Variants in PHC1 observed in about 807,000 individuals in gnomAD.
PHC1 encodes the protein polyhomeotic homolog 1.
PHC1 carries 12 observed loss-of-function variants against 104.3 expected under a neutral mutation model. The observed-to-expected ratio is 0.12, with a 90% CI of 0.07 to 0.19. The LOEUF is 0.19. Among genes scored for constraint, PHC1 ranks in the 10% least tolerant of loss-of-function variants. The pLI is 1.00. For missense variants in PHC1, 671 were observed against 1,200.0 expected, an observed-to-expected ratio of 0.56 and a Z score of 6.51; for synonymous variants, 302 against 455.8, an observed-to-expected ratio of 0.66 and a Z score of 4.30.
chr12:8,931,169 G>A (rs1945673332), intron 7 of PHC1, among the ~76,000 whole-genome samples: 1 of 152,128 alleles, frequency 6.6e-6, no homozygotes, highest in South Asian at 2.1e-4. Context: ...AAGTTCCCCT[G>A]TCCGCTTTCT....
Position 8,938,079 on chromosome 12 carries a change from A to G in PHC1, c.2860+19A>G, listed in dbSNP as rs369685612. The G allele has an allele frequency of 1.9e-6, 3 of 1,565,684 alleles. No homozygotes were observed. The highest frequency in any genetic ancestry group is 2.7e-5 in the African/African-American group (2 of 74,070). The stretch of plus-strand genomic sequence containing the variant: ...CTCCAAGGTACTGACCCTCTCTTCA[A>G]CAGAACCCAGGTTGTTTTCCTTAAC... On this transcript the variant is annotated intron_variant, in intron 14 of 14. Transcript: ENST00000544916.
chr12:8,919,932 T>G lies in PHC1; in HGVS notation c.225+66T>G, dbSNP rs772736862. The G allele has an allele frequency of 6.4e-7, 1 of 1,561,388 alleles. No individual in the cohort carries two copies. Among genetic ancestry groups the G allele is most frequent in the South Asian group, 1.2e-5 (1 of 85,370 alleles). On this transcript the variant is annotated intron_variant, in intron 3 of 14. Coordinates refer to ENST00000544916, the MANE Select transcript of PHC1 (RefSeq NM_004426.3). This position sits in a 1 kb window ranked among gnomAD's most constrained non-coding sequence, Gnocchi z 4.9. ...AGGCACTACAGGTGGGTAGGGGAGATTTTTTGGGCATATAGCATCCTATAC... is the reference window on the plus strand; with the variant it reads ...AGGCACTACAGGTGGGTAGGGGAGAGTTTTTGGGCATATAGCATCCTATAC...
At position 8,919,766 on chromosome 12, in the gene PHC1, C is replaced by G. The variant is rs1372457891; in HGVS notation, c.125C>G (p.Ala42Gly). 6.2e-7 allele frequency: 1 copy of G among 1,612,310 alleles called. No homozygotes were observed. Residue 42 changes from alanine (A) to glycine (G), a missense_variant, in exon 3 of 15, where the codon GCA (alanine) becomes GGA (glycine). Around this residue, in one of 9 missense-constraint regions of PHC1, gnomAD observed 237 missense variants for 331.1 expected, o/e 0.72. Coordinates refer to ENST00000544916, the MANE Select transcript of PHC1 (RefSeq NM_004426.3). This position sits in a 1 kb window ranked among gnomAD's most constrained non-coding sequence, Gnocchi z 4.9. ...YERQAVQALQ[A>G]LQRQPNAAQY... ...CCTCTCTTTTCCTAGGCTCTGCAAG[C>G]ACTGCAGCGGCAGCCCAATGCAGCT...
intron 6 of PHC1, among the ~76,000 whole-genome samples, chr12:8,924,941 G>T (rs1348463560): frequency 6.6e-6 from 1 of 152,216 alleles, no homozygotes; most frequent in Non-Finnish European, 1.5e-5. Flanking sequence ...TGGTCATCTA[G>T]CTGTAAGGCA....
intron 6 of PHC1, among the ~76,000 whole-genome samples, chr12:8,929,430 C>G (rs1945619256): frequency 6.6e-6 from 1 of 152,092 alleles, no homozygotes; most frequent in Admixed American, 6.6e-5. Flanking sequence ...TCTTTCCATT[C>G]CTTGTAACTC....
At chr12:8,923,289 A>G (rs1483495326) in intron 6 of PHC1, among the ~76,000 whole-genome samples, 1 of 152,104 alleles carries the variant, frequency 6.6e-6, no homozygotes, top group East Asian at 1.9e-4. Context: ...CCTCACCATT[A>G]CTTCTCATGA....
At chr12:8,929,825 A>C (rs1945631125) in intron 6 of PHC1, among the ~76,000 whole-genome samples, 1 of 152,116 alleles carries the variant, frequency 6.6e-6, no homozygotes, top group African/African-American at 2.4e-5. Flanking sequence ...CAGCCTAAAT[A>C]ATAATCCTTT....
chr12:8,920,206 G>A (rs960747150), intron 3 of PHC1, among the ~76,000 whole-genome samples: 9 of 152,048 alleles, frequency 5.9e-5, no homozygotes, highest in Non-Finnish European at 8.8e-5. Context: ...TACAAAAAAA[G>A]GTAAAATATC....
At chr12:8,931,265 G>A (rs2137107426) in intron 7 of PHC1, among the ~76,000 whole-genome samples, 1 of 152,238 alleles carries the variant, frequency 6.6e-6, no homozygotes, top group South Asian at 2.1e-4. Flanking sequence ...AGGAATTACT[G>A]GGGATACATT....
At chr12:8,938,085 C>A in intron 14 of PHC1, 25 bp downstream of exon 14, 1 of 1,548,878 alleles carries the variant, frequency 6.5e-7, no homozygotes, top group Non-Finnish European at 8.9e-7. Context: ...TTCAACAGAA[C>A]CCAGGTTGTT....
chr12:8,922,575 C>T, intron 5 of PHC1, 58 bp from the exon 6 acceptor site: 1 of 1,450,396 alleles, frequency 6.9e-7, no homozygotes, highest in Non-Finnish European at 9.4e-7. Context: ...CTTTCCATCT[C>T]TTCTGTCTCT....
chr12:8,920,103 C>G lies in PHC1; in HGVS notation c.225+237C>G, dbSNP rs143470799. ...GTTATAGACCTGCATTGTCTAATAA[C>G]GTAGTCACTAGCCACATATCGCTAT... On this transcript the variant is annotated intron_variant, in intron 3 of 14. Coordinates refer to ENST00000544916, the MANE Select transcript of PHC1 (RefSeq NM_004426.3). 2.6e-5 allele frequency among the ~76,000 whole-genome samples: 4 copies of G among 152,280 alleles called. No homozygotes were observed. The East Asian group carries it at 7.7e-4, about 29-fold the overall frequency.
In PHC1 at chr12:8,939,921, C is replaced by A; in HGVS notation, c.*462C>A. ...ACAGAAGTAGCAAAATCTGGTCCTC[C>A]CCCCTCCCAGTGTAGCTGTGGCTCA... is the stretch of plus-strand genomic sequence containing the variant. On this transcript the variant is annotated 3_prime_UTR_variant, in exon 15 of 15. Transcript: ENST00000544916. The A allele has an allele frequency of 2.2e-6, 1 of 456,682 alleles. No individual in the cohort carries two copies. Among genetic ancestry groups the A allele is most frequent in the Non-Finnish European group, 4.4e-6 (1 of 227,204 alleles). The allele number at this position is 456,682 out of a possible 1,614,324, so 28.3% of individuals were successfully genotyped here. A position where few individuals can be genotyped will look rare whatever the true frequency, so the allele number is the denominator to read the frequency against.
Position 8,919,985 on chromosome 12 carries a change from G to C in PHC1, c.225+119G>C, listed in dbSNP as rs1053749366. 6.9e-7 allele frequency: 1 copy of C among 1,444,870 alleles called. No individual in the cohort carries two copies. The highest frequency in any genetic ancestry group is 9.4e-7 in the Non-Finnish European group (1 of 1,061,250). The allele number at this position is 1,444,870 out of a possible 1,614,324, so 89.5% of individuals were successfully genotyped here. On this transcript the variant is annotated intron_variant, in intron 3 of 14. Transcript: ENST00000544916. This position sits in a 1 kb window ranked among gnomAD's most constrained non-coding sequence, Gnocchi z 4.9. ...AGCCAGGCTGCAGACAGCCTCCTCC[G>C]CCTCCTGTCCTTCTGTGGGAGGATG... is the stretch of plus-strand genomic sequence containing the variant.
At position 8,939,311 on chromosome 12, in the gene PHC1, A is replaced by C. The variant is rs1945941670; in HGVS notation, c.2867A>C (p.Gln956Pro). 6.2e-7 allele frequency: 1 copy of C among 1,614,132 alleles called. No individual in the cohort carries two copies. The highest frequency in any genetic ancestry group is 1.7e-5 in the Admixed American group (1 of 60,000). Reference sequence around the variant, plus strand: ...TTCTCACCATTTCTTCTAGGCTGCCAAGAGATTGCAGAGGAATTTCGCTCA... The same window carrying C: ...TTCTCACCATTTCTTCTAGGCTGCCCAGAGATTGCAGAGGAATTTCGCTCA... ...YEFIASLQGC[Q>P]EIAEEFRSQE... Residue 956 changes from glutamine (Q) to proline (P), a missense_variant, in exon 15 of 15, where the codon CAA becomes CCA. Physicochemically the swap from Gln to Pro is moderately conservative, Grantham distance 76. Around this residue, in one of 9 missense-constraint regions of PHC1, gnomAD observed 192 missense variants for 280.5 expected, o/e 0.68. Coordinates refer to ENST00000544916, the MANE Select transcript of PHC1 (RefSeq NM_004426.3).
intron 6 of PHC1, among the ~76,000 whole-genome samples, chr12:8,930,129 A>T (rs1486846553): frequency 6.6e-6 from 1 of 152,156 alleles, no homozygotes; most frequent in Admixed American, 6.5e-5. Flanking sequence ...GAAGCATAGT[A>T]GGTTTTTGGG....
chr12:8,937,106 G>T, intron 12 of PHC1, 70 bp from the exon 13 acceptor site: 1 of 1,538,162 alleles, frequency 6.5e-7, no homozygotes, highest in Admixed American at 1.7e-5. Context: ...CTCATAAGCA[G>T]AAATTCACAT....
intron 6 of PHC1, among the ~76,000 whole-genome samples, chr12:8,927,913 CT>C (rs752930257): frequency 0.018 from 638 of 35,704 alleles, 12 homozygotes; most frequent in African/African-American, 0.072. Context: ...TTCTTTCTTT[CT>C]TTTTTTTTTT....
At chr12:8,925,772 AT>A (rs2137085593) in intron 6 of PHC1, among the ~76,000 whole-genome samples, 1 of 152,250 alleles carries the variant, frequency 6.6e-6, no homozygotes, top group Non-Finnish European at 1.5e-5. Flanking sequence ...CTATAGAAGG[AT>A]TTTAAATATG....
Sources: allele counts gnomAD v4.1 joint callset (sites outside exome capture counted in the v4.1 genomes callset), GRCh38; gene constraint gnomAD v4.1.1; regional missense constraint gnomAD v4.1.1; non-coding constraint Gnocchi (gnomAD v3.1); transcripts MANE v1.5; gene names NCBI Gene and HGNC (gene_info 2026-07-23, HGNC 2026-07-21).